Variants in PBX1 observed in about 807,000 individuals in gnomAD.
PBX1 encodes PBX homeobox 1.
A neutral mutation model predicts 53.4 loss-of-function variants in PBX1; 6 were observed. The ratio of observed to expected loss-of-function variants is 0.11; its 90% CI spans 0.06 to 0.22. PBX1 has a LOEUF of 0.22. Among genes scored for constraint, PBX1 ranks in the 10% least tolerant of loss-of-function variants. The pLI is 1.00. For synonymous variants in PBX1, 204 were observed against 212.3 expected, an observed-to-expected ratio of 0.96 and a Z score of 0.34; for missense variants, 251 against 551.4, an observed-to-expected ratio of 0.46 and a Z score of 5.46.
At chr1:164,613,790 C>G (rs927319802) in intron 2 of PBX1, among the ~76,000 whole-genome samples, 1 of 152,118 alleles carries the variant, frequency 6.6e-6, no homozygotes, top group Non-Finnish European at 1.5e-5. Context: ...TGACTCCACC[C>G]TAGCACCTGA....
intron 2 of PBX1, among the ~76,000 whole-genome samples, chr1:164,881,221 C>T (rs970047582): frequency 1.3e-5 from 2 of 151,684 alleles, no homozygotes; most frequent in Admixed American, 1.3e-4. Context: ...AAATGTAAAC[C>T]CCCCATAGTA....
chr1:164,656,005 T>C (rs1013881808), intron 2 of PBX1, among the ~76,000 whole-genome samples: 1 of 143,140 alleles, frequency 7.0e-6, no homozygotes, highest in African/African-American at 2.6e-5. Flanking sequence ...ATATAGACAG[T>C]TAGCCTTCAA....
At chr1:164,830,015 G>T (rs545090673) in intron 8 of PBX1, 2 of 152,074 alleles carry the variant, frequency 1.3e-5, no homozygotes, top group Non-Finnish European at 2.9e-5. Context: ...TTTAATTTAA[G>T]GTAATTTAAA....
intron 4 of PBX1, among the ~76,000 whole-genome samples, chr1:164,806,822 G>A (rs541112331): frequency 6.6e-6 from 1 of 152,100 alleles, no homozygotes; most frequent in East Asian, 1.9e-4. Context: ...GCTGCCACGT[G>A]TTGGGCGCTG....
At chr1:164,563,483 A>G (rs1454233659) in intron 2 of PBX1, among the ~76,000 whole-genome samples, 172 bp downstream of exon 2, 1 of 152,114 alleles carries the variant, frequency 6.6e-6, no homozygotes, top group Non-Finnish European at 1.5e-5. Context: ...AAAAAGAATC[A>G]AGTTTCTTTG....
intron 4 of PBX1, among the ~76,000 whole-genome samples, chr1:164,802,633 A>G (rs894929878): frequency 1.3e-5 from 2 of 152,176 alleles, no homozygotes; most frequent in Non-Finnish European, 1.5e-5. Context: ...CAGGGTCTAG[A>G]GTTTTGGAAT....
intron 1 of PBX1, among the ~76,000 whole-genome samples, chr1:164,561,465 C>G (rs949856371): frequency 1.3e-5 from 2 of 152,152 alleles, no homozygotes; most frequent in African/African-American, 4.8e-5. Context: ...AATTGGTGCT[C>G]TCTTTGAATT....
At chr1:164,658,598 C>T (rs1233212875) in intron 2 of PBX1, among the ~76,000 whole-genome samples, 1 of 152,144 alleles carries the variant, frequency 6.6e-6, no homozygotes, top group Non-Finnish European at 1.5e-5. Context: ...CATGGTGTCA[C>T]ATGGTTCTTA....
chr1:164,848,483 T>C lies in PBX1; in HGVS notation c.*1807T>C. Reference sequence around the variant, plus strand: ...AGTAATGTCCCTGAAATAAACGGGTTCATGCCATCTAGGGACAATAAATGG... The same window carrying C: ...AGTAATGTCCCTGAAATAAACGGGTCCATGCCATCTAGGGACAATAAATGG... On this transcript the variant is annotated 3_prime_UTR_variant, in exon 9 of 9. Coordinates refer to ENST00000420696, the MANE Select transcript of PBX1 (RefSeq NM_002585.4). 9.4e-7 allele frequency: 1 copy of C among 1,058,664 alleles called. No homozygotes were observed. The highest frequency in any genetic ancestry group is 1.1e-6 in the Non-Finnish European group (1 of 875,048). The allele number at this position is 1,058,664 out of a possible 1,614,324, so 65.6% of individuals were successfully genotyped here.
intron 2 of PBX1, among the ~76,000 whole-genome samples, chr1:164,634,102 G>A (rs1658589506): frequency 6.6e-6 from 1 of 152,184 alleles, no homozygotes; most frequent in Non-Finnish European, 1.5e-5. Flanking sequence ...TCAGTTTTTA[G>A]TGCCAGCTTT....
Position 164,698,849 on chromosome 1 carries a change from A to C in PBX1, c.266-93645A>C, listed in dbSNP as rs574169222. 2.2e-3 allele frequency among the ~76,000 whole-genome samples: 341 copies of C among 152,290 alleles called. 4 individuals carry two copies. The highest frequency in any genetic ancestry group is 6.8e-3 in the African/African-American group (282 of 41,548). On this transcript the variant is annotated intron_variant, in intron 2 of 8. Transcript: ENST00000420696. ...TCACTCAGGTAATCCTCACAACCAC[A>C]CTAGAACACGAGGTACCACAACTGC...
At position 164,851,233 on chromosome 1, in the gene PBX1, G is replaced by GA. The variant is rs80017588; in HGVS notation, c.*4564dup. On this transcript the variant is annotated 3_prime_UTR_variant, in exon 9 of 9. Transcript: ENST00000420696. ...GGAAAAAAGAAAGCCATATTATCTGGAAAAAAATTCATTTTAAATACCATC... is the reference window on the plus strand; with the variant it reads ...GGAAAAAAGAAAGCCATATTATCTGGAAAAAAAATTCATTTTAAATACCATC... 0.057 allele frequency: 11,996 copies of GA among 209,908 alleles called. 412 individuals carry two copies. Among genetic ancestry groups the GA allele is most frequent in the East Asian group, 0.099 (1,373 of 13,814 alleles). The allele number at this position is 209,908 out of a possible 1,614,324, so 13.0% of individuals were successfully genotyped here.
chr1:164,880,919 C>T (rs569633063), intron 2 of PBX1, among the ~76,000 whole-genome samples: 8 of 152,330 alleles, frequency 5.3e-5, no homozygotes, highest in East Asian at 1.9e-4. Flanking sequence ...AGCCATAAGG[C>T]GAAGGCCAAG....
At chr1:164,591,187 T>C (rs1203488393) in intron 2 of PBX1, among the ~76,000 whole-genome samples, 1 of 152,014 alleles carries the variant, frequency 6.6e-6, no homozygotes, top group East Asian at 1.9e-4. Context: ...AATTTTTGTA[T>C]TTTTCGTAGA....
intron 2 of PBX1, among the ~76,000 whole-genome samples, chr1:164,597,283 GA>G (rs1414510684): frequency 1.7e-4 from 26 of 152,230 alleles, no homozygotes; most frequent in Non-Finnish European, 2.9e-5. Flanking sequence ...GGCCTTCTAA[GA>G]AGACTATCTT....
chr1:164,694,763 G>T (rs1026788486), intron 2 of PBX1, among the ~76,000 whole-genome samples: 10 of 152,136 alleles, frequency 6.6e-5, no homozygotes, highest in Non-Finnish European at 1.2e-4. Context: ...GATACTACCA[G>T]CAAGCATTTA....
chr1:164,642,005 G>T (rs1659173719), intron 2 of PBX1: 1 of 152,142 alleles, frequency 6.6e-6, no homozygotes, highest in African/African-American at 2.4e-5. Context: ...CTGCTTTTTG[G>T]TGGCTCTTTT....
intron 2 of PBX1, among the ~76,000 whole-genome samples, chr1:164,880,548 A>G (rs1304399108): frequency 6.6e-6 from 1 of 151,998 alleles, no homozygotes; most frequent in Non-Finnish European, 1.5e-5. Context: ...TTTTCCCAGC[A>G]CTCCCATCCT....
At chr1:164,605,982 C>T (rs914970441) in intron 2 of PBX1, among the ~76,000 whole-genome samples, 1 of 152,016 alleles carries the variant, frequency 6.6e-6, no homozygotes, top group Non-Finnish European at 1.5e-5. Flanking sequence ...CTCCAGTTTC[C>T]CTAGATTGGG....
Sources: gnomAD v4.1 joint callset for allele counts (sites outside exome capture counted in the v4.1 genomes callset) on GRCh38, gnomAD v4.1.1 for gene constraint, MANE v1.5 for transcripts, NCBI Gene and HGNC (gene_info 2026-07-23, HGNC 2026-07-21) for gene names.